The following GLRA3 variants were observed in gnomAD, a reference collection of about 807,000 sequenced individuals.
GLRA3 encodes glycine receptor subunit alpha-3.
In GLRA3, 44 loss-of-function variants were observed where a neutral mutation model predicts 60.4. That is an observed-to-expected ratio of 0.73 (90% CI 0.57 to 0.94). The LOEUF is 0.94. GLRA3 is among the 40% of genes least tolerant of loss of function. The pLI is 0.00. For missense variants in GLRA3, 508 were observed against 564.6 expected (o/e 0.90, Z 1.02); for synonymous variants, 223 against 192.9 (o/e 1.16, Z -1.29).
intron 3 of GLRA3, among the ~76,000 whole-genome samples, chr4:174,765,564 G>C (rs2111234081): frequency 6.6e-6 from 1 of 152,112 alleles, no homozygotes; most frequent in Admixed American, 6.5e-5. Flanking sequence ...ATAGAACAAA[G>C]CCAATAGTGA....
intron 1 of GLRA3, among the ~76,000 whole-genome samples, chr4:174,811,467 C>A (rs1351529976): frequency 1.3e-5 from 2 of 152,046 alleles, no homozygotes; most frequent in Non-Finnish European, 1.5e-5. Context: ...TTTATCAATT[C>A]TTTTGCTTAA....
At chr4:174,778,827 CGG>C (rs1301985578) in intron 2 of GLRA3, among the ~76,000 whole-genome samples, 1 of 152,112 alleles carries the variant, frequency 6.6e-6, no homozygotes, top group Non-Finnish European at 1.5e-5. Flanking sequence ...TCCTACCCCA[CGG>C]AGTCTCGCTG....
intron 5 of GLRA3, among the ~76,000 whole-genome samples, chr4:174,706,764 AG>A (rs10715188): frequency 0.21 from 32,353 of 152,146 alleles, 3,800 homozygotes; most frequent in South Asian, 0.33. Flanking sequence ...GGAATCTCAA[AG>A]GGGTGATAAA....
intron 3 of GLRA3, among the ~76,000 whole-genome samples, chr4:174,735,998 A>G (rs1369312667): frequency 6.6e-6 from 1 of 152,172 alleles, no homozygotes; most frequent in African/African-American, 2.4e-5. Flanking sequence ...TCTTTGGAAC[A>G]TTCTATTATC....
intron 1 of GLRA3, among the ~76,000 whole-genome samples, chr4:174,816,282 G>T (rs994347902): frequency 6.6e-6 from 1 of 152,028 alleles, no homozygotes; most frequent in Non-Finnish European, 1.5e-5. Flanking sequence ...GGATCCCAAA[G>T]GTCAGGGATC....
intron 1 of GLRA3, among the ~76,000 whole-genome samples, chr4:174,808,848 A>G (rs568709987): frequency 1.3e-5 from 2 of 152,330 alleles, no homozygotes; most frequent in Admixed American, 1.3e-4. Flanking sequence ...AGATATAAAG[A>G]ATACATTTTA....
rs372656917 is a variant in GLRA3 at position 174,737,239 on chromosome 4, A to T, written c.268-8541T>A. ...TACCTCAAGTGTTTCCAGTTTAAAG[A>T]TATCTAGATTTTTAGTTATACACAC... On this transcript the variant is annotated intron_variant, in intron 3 of 9. Coordinates refer to ENST00000274093, the MANE Select transcript of GLRA3 (RefSeq NM_006529.4). Among the ~76,000 whole-genome samples, 7 of 152,312 alleles carry T rather than the reference A, an allele frequency of 4.6e-5. No homozygotes were observed. In the East Asian group the frequency reaches 7.7e-4, roughly 17 times the overall value.
At chr4:174,784,446 AC>A (rs1739034699) in intron 2 of GLRA3, among the ~76,000 whole-genome samples, 1 of 147,374 alleles carries the variant, frequency 6.8e-6, no homozygotes, top group African/African-American at 2.5e-5. Flanking sequence ...GTGCACATGT[AC>A]CCTAAAACTT....
chr4:174,798,804 G>A (rs959916214), intron 1 of GLRA3, among the ~76,000 whole-genome samples: 1 of 152,034 alleles, frequency 6.6e-6, no homozygotes, highest in East Asian at 1.9e-4. Context: ...AGCGCCTGTA[G>A]TCCCAGCTAC....
rs1380972606 is a variant in GLRA3 at position 174,733,108 on chromosome 4, T to A, written c.268-4410A>T. On this transcript the variant is annotated intron_variant, in intron 3 of 9. Transcript: ENST00000274093. ...TATAGCTGAAAGAGGAGGAAGAGAG[T>A]CAGTGCCAAAATGAGGTGATGTGAA... Among the ~76,000 whole-genome samples the A allele has an allele frequency of 2.6e-5, 4 of 151,822 alleles. No individual in the cohort carries two copies. The East Asian group carries it at 7.8e-4, about 29-fold the overall frequency.
At chr4:174,701,774 G>A (rs778959884) in intron 5 of GLRA3, among the ~76,000 whole-genome samples, 3 of 152,208 alleles carry the variant, frequency 2.0e-5, no homozygotes, top group Non-Finnish European at 4.4e-5. Context: ...GACTTCAGTG[G>A]AGGAAGTAAT....
intron 7 of GLRA3, among the ~76,000 whole-genome samples, chr4:174,668,303 C>A (rs1733756388): frequency 6.6e-6 from 1 of 152,136 alleles, no homozygotes; most frequent in African/African-American, 2.4e-5. Context: ...AGATGGTTTG[C>A]ATATATCTCA....
chr4:174,656,116 A>C (rs1733190701), intron 9 of GLRA3, among the ~76,000 whole-genome samples: 1 of 152,148 alleles, frequency 6.6e-6, no homozygotes, highest in Non-Finnish European at 1.5e-5. Context: ...AACCACGTAC[A>C]GACCCAAACT....
At chr4:174,664,138 G>T (rs370860790) in intron 7 of GLRA3, among the ~76,000 whole-genome samples, 1 of 152,060 alleles carries the variant, frequency 6.6e-6, no homozygotes, top group Non-Finnish European at 1.5e-5. Context: ...CCACCCCATC[G>T]GCTTTGTGGA....
rs991834987 is a variant in GLRA3, at chr4:174,682,998, T to C, written c.575-59A>G. On this transcript the variant is annotated intron_variant, in intron 5 of 9. Transcript: ENST00000274093. ...AAAAAGGGCATTCAAAGAAAAGAAA[T>C]GCAAATTACTTTATAGTCACATAGG... 124 of 1,367,050 alleles carry C rather than the reference T, an allele frequency of 9.1e-5. No individual in the cohort carries two copies. The Admixed American group carries it at 1.0e-3, about 11-fold the overall frequency. The allele number at this position is 1,367,050 out of a possible 1,614,324, so 84.7% of individuals were successfully genotyped here. A position where few individuals can be genotyped will look rare whatever the true frequency, so the allele number is the denominator to read the frequency against.
chr4:174,729,321 T>A (rs1398839234), intron 3 of GLRA3, among the ~76,000 whole-genome samples: 1 of 152,234 alleles, frequency 6.6e-6, no homozygotes, highest in Non-Finnish European at 1.5e-5. Context: ...AAAAGCTCTC[T>A]GTGTTACAAA....
intron 3 of GLRA3, among the ~76,000 whole-genome samples, chr4:174,756,248 T>C (rs577979374): frequency 2.0e-5 from 3 of 152,264 alleles, no homozygotes; most frequent in Non-Finnish European, 2.9e-5. Context: ...ACTTTCAACA[T>C]AGTTTTAGGA....
chr4:174,640,274 T>C lies in GLRA3; in HGVS notation c.*3512A>G, dbSNP rs897960178. ...GTTCTAAATTTTTAGGGGACACCTG[T>C]GAAAAACAATGCTGTCAGTTTCCTT... On this transcript the variant is annotated 3_prime_UTR_variant, in exon 10 of 10. Transcript: ENST00000274093. The C allele has an allele frequency of 1.2e-4, 18 of 152,112 alleles. No homozygotes were observed. The highest frequency in any genetic ancestry group is 9.8e-4 in the Admixed American group (15 of 15,248). The allele number at this position is 152,112 out of a possible 1,614,324, so 9.4% of individuals were successfully genotyped here.
At chr4:174,673,241 T>C (rs995015512) in intron 7 of GLRA3, among the ~76,000 whole-genome samples, 9 of 152,172 alleles carry the variant, frequency 5.9e-5, no homozygotes, top group African/African-American at 1.7e-4. Context: ...TTCCTTCTAG[T>C]ACTCAGAGTT....
Sources: allele counts gnomAD v4.1 joint callset (sites outside exome capture counted in the v4.1 genomes callset), GRCh38; gene constraint gnomAD v4.1.1; transcripts MANE v1.5; gene names NCBI Gene and HGNC (gene_info 2026-07-23, HGNC 2026-07-21).